Variants in ATRNL1 observed in about 807,000 individuals in gnomAD.
ATRNL1 encodes the protein attractin like 1, also known as attractin-like protein 1.
In ATRNL1, 95 loss-of-function variants were observed where a neutral mutation model predicts 182.7. The ratio of observed to expected loss-of-function variants is 0.52; its 90% CI spans 0.44 to 0.62. The LOEUF (loss-of-function observed/expected upper bound fraction) is 0.62. Among genes scored for constraint, ATRNL1 ranks in the 20% least tolerant of loss-of-function variants. The pLI is 0.00. For missense variants in ATRNL1, 1,471 were observed against 1,679.5 expected (o/e 0.88, Z 2.17); for synonymous variants, 576 against 568.3 (o/e 1.01, Z -0.19).
At chr10:115,735,702 A>G (rs1947931207) in intron 27 of ATRNL1, among the ~76,000 whole-genome samples, 1 of 152,234 alleles carries the variant, frequency 6.6e-6, no homozygotes, top group Non-Finnish European at 1.5e-5. Context: ...CTACTAAGTG[A>G]TGAATGGGCA....
In ATRNL1 at chr10:115,847,970, G is replaced by A; in HGVS notation, c.3997G>A (p.Ala1333Thr). 6.2e-7 allele frequency: 1 copy of A among 1,608,532 alleles called. No homozygotes were observed. Among genetic ancestry groups the A allele is most frequent in the Non-Finnish European group, 8.5e-7 (1 of 1,175,358 alleles). The change falls in exon 28 of 29, where the codon GCC (alanine) becomes ACC (threonine). Residue 1333 changes from alanine to threonine, a missense_variant. This residue lies in a region of ATRNL1 where 437 missense variants were observed against 506.0 expected (regional missense o/e 0.86). Coordinates refer to ENST00000355044, the MANE Select transcript of ATRNL1 (RefSeq NM_207303.4). ...TTGTCTACCACGAGGATCATCAGGT[G>A]CCCCTCCCCCTGGGCAGTCAGGTAT... ...FLCLPRGSSG[A>T]PPPGQSGLAI... is the part of the protein sequence containing the mutation.
At chr10:115,389,189 T>A (rs1219016031) in intron 19 of ATRNL1, among the ~76,000 whole-genome samples, 1 of 152,070 alleles carries the variant, frequency 6.6e-6, no homozygotes, top group Non-Finnish European at 1.5e-5. Flanking sequence ...GTTTATTTCA[T>A]TTAGCATTAA....
intron 27 of ATRNL1, among the ~76,000 whole-genome samples, chr10:115,728,128 G>GAA (rs3087144): frequency 1.8e-3 from 202 of 112,914 alleles, no homozygotes; most frequent in East Asian, 6.8e-3. Flanking sequence ...AAAAAAAAAA[G>GAA]AAAAAAAAAA....
chr10:115,422,819 T>G (rs1845706458), intron 20 of ATRNL1, among the ~76,000 whole-genome samples: 1 of 152,194 alleles, frequency 6.6e-6, no homozygotes, highest in Non-Finnish European at 1.5e-5. Flanking sequence ...CTAAACATTT[T>G]GTACATACGA....
intron 21 of ATRNL1, among the ~76,000 whole-genome samples, chr10:115,439,318 A>G (rs1347680866): frequency 5.3e-5 from 8 of 151,874 alleles, no homozygotes; most frequent in Non-Finnish European, 1.0e-4. Context: ...CTGTATATCA[A>G]TCTAATTATT....
chr10:115,632,931 C>T (rs536618643), intron 26 of ATRNL1, among the ~76,000 whole-genome samples: 28 of 98,398 alleles, frequency 2.8e-4, no homozygotes, highest in Admixed American at 5.6e-4. Context: ...CTCACTCTGT[C>T]GCCCAGGCTG....
At chr10:115,580,318 A>G (rs1244563008) in intron 26 of ATRNL1, among the ~76,000 whole-genome samples, 10 of 152,004 alleles carry the variant, frequency 6.6e-5, no homozygotes, top group African/African-American at 2.4e-4. Context: ...CAGCTTTTGT[A>G]TGTCTGTAGA....
At chr10:115,588,966 A>G (rs1215858047) in intron 26 of ATRNL1, among the ~76,000 whole-genome samples, 3 of 152,142 alleles carry the variant, frequency 2.0e-5, no homozygotes, top group African/African-American at 7.2e-5. Context: ...TTTTCAAAGG[A>G]TTAGATTGTG....
chr10:115,858,821 T>A (rs1271560716), intron 28 of ATRNL1, among the ~76,000 whole-genome samples: 2 of 152,142 alleles, frequency 1.3e-5, no homozygotes, highest in African/African-American at 4.8e-5. Context: ...ATGAATTAAA[T>A]AGTCCTACTT....
intron 26 of ATRNL1, among the ~76,000 whole-genome samples, chr10:115,569,452 C>CCA (rs1854262314): frequency 6.6e-6 from 1 of 152,114 alleles, no homozygotes; most frequent in Admixed American, 6.6e-5. Flanking sequence ...TAGGGTTTTA[C>CCA]CACATTATTT....
chr10:115,567,337 T>C (rs1359657751), intron 26 of ATRNL1, among the ~76,000 whole-genome samples: 6 of 152,166 alleles, frequency 3.9e-5, no homozygotes, highest in African/African-American at 1.4e-4. Flanking sequence ...AGTGAACTAC[T>C]GTGTTTTAAT....
chr10:115,624,696 C>G (rs1555024116), intron 26 of ATRNL1, among the ~76,000 whole-genome samples: 1 of 152,116 alleles, frequency 6.6e-6, no homozygotes, highest in Non-Finnish European at 1.5e-5. Context: ...GGACCCCTCC[C>G]CCACTGTTTG....
chr10:115,507,047 A>G (rs1554981506), intron 24 of ATRNL1, among the ~76,000 whole-genome samples: 1 of 152,084 alleles, frequency 6.6e-6, no homozygotes, highest in Admixed American at 6.6e-5. Context: ...CATACATAAG[A>G]TGAACATTGG....
chr10:115,468,935 TCTAAG>T (rs1848182226), intron 23 of ATRNL1, among the ~76,000 whole-genome samples: 1 of 150,692 alleles, frequency 6.6e-6, no homozygotes, highest in Admixed American at 6.6e-5. Flanking sequence ...ATATAAAGTC[TCTAAG>T]CTAGTGCCTA....
intron 26 of ATRNL1, among the ~76,000 whole-genome samples, chr10:115,713,402 A>G (rs1555055138): frequency 6.6e-6 from 1 of 151,808 alleles, no homozygotes; most frequent in Non-Finnish European, 1.5e-5. Flanking sequence ...GATGATAGAG[A>G]ATAATGCGGA....
intron 26 of ATRNL1, among the ~76,000 whole-genome samples, chr10:115,563,698 T>G (rs1853900767): frequency 6.6e-6 from 1 of 152,200 alleles, no homozygotes; most frequent in Non-Finnish European, 1.5e-5. Flanking sequence ...CATAGTTGTC[T>G]TAGTAACTAT....
chr10:115,349,484 A>G (rs193234070), intron 19 of ATRNL1, among the ~76,000 whole-genome samples: 39 of 152,300 alleles, frequency 2.6e-4, no homozygotes, highest in Middle Eastern at 3.4e-3. Context: ...CAGTAGTAGA[A>G]TTTCTGGATC....
At chr10:115,324,983 T>G (rs1325540402) in intron 18 of ATRNL1, among the ~76,000 whole-genome samples, 4 of 152,222 alleles carry the variant, frequency 2.6e-5, no homozygotes, top group African/African-American at 7.2e-5. Context: ...TGAAAAATGC[T>G]TTGGGTAAAT....
At chr10:115,228,224 T>C (rs1195293277) in intron 9 of ATRNL1, among the ~76,000 whole-genome samples, 1 of 152,196 alleles carries the variant, frequency 6.6e-6, no homozygotes, top group Non-Finnish European at 1.5e-5. Flanking sequence ...ATTTCAGTCA[T>C]TTCTGCTATC....
Sources: gnomAD v4.1 joint callset for allele counts (sites outside exome capture counted in the v4.1 genomes callset) on GRCh38, gnomAD v4.1.1 for gene constraint, gnomAD v4.1.1 regional missense constraint, MANE v1.5 for transcripts, NCBI Gene and HGNC (gene_info 2026-07-23, HGNC 2026-07-21) for gene names.